The following LRRC8D variants were observed in gnomAD, a reference collection of about 807,000 sequenced individuals.
LRRC8D encodes leucine rich repeat containing 8 VRAC subunit D.
LRRC8D carries 20 observed loss-of-function variants against 55.8 expected under a neutral mutation model. That is an observed-to-expected ratio of 0.36 (90% CI 0.25 to 0.52). The LOEUF (loss-of-function observed/expected upper bound fraction) is 0.52, where lower values mean the gene tolerates loss of function less well. Among genes scored for constraint, LRRC8D ranks in the 20% least tolerant of loss-of-function variants. The probability of loss-of-function intolerance (pLI) is 0.93; values close to 1 mark genes in which losing one functional copy is unlikely to be tolerated. For synonymous variants in LRRC8D, 352 were observed against 377.0 expected (o/e 0.93, Z 0.77); for missense variants, 651 against 1,030.8 (o/e 0.63, Z 5.05).
chr1:89,931,236 C>A, intron 2 of LRRC8D, among the ~76,000 whole-genome samples: 2 of 129,474 alleles, frequency 1.5e-5, no homozygotes, highest in African/African-American at 3.0e-5. Flanking sequence ...CTGTGCAGTA[C>A]TAGGTATGTG....
chr1:89,872,012 G>A (rs573932637), intron 2 of LRRC8D, among the ~76,000 whole-genome samples: 1 of 152,160 alleles, frequency 6.6e-6, no homozygotes, highest in Non-Finnish European at 1.5e-5. Context: ...GTATTGTTCA[G>A]TTCCTTGGAT....
chr1:89,892,734 A>G (rs987163772), intron 2 of LRRC8D, among the ~76,000 whole-genome samples: 5 of 152,066 alleles, frequency 3.3e-5, no homozygotes, highest in African/African-American at 9.7e-5. Context: ...GTTAGCCAGG[A>G]TGGTCTCGAT....
At chr1:89,904,663 G>A (rs1170826214) in intron 2 of LRRC8D, among the ~76,000 whole-genome samples, 1 of 152,178 alleles carries the variant, frequency 6.6e-6, no homozygotes, top group Non-Finnish European at 1.5e-5. Flanking sequence ...GCTGCAGGGA[G>A]GGATGTAAAC....
At chr1:89,927,240 A>G (rs1279264198) in intron 2 of LRRC8D, among the ~76,000 whole-genome samples, 3 of 152,290 alleles carry the variant, frequency 2.0e-5, no homozygotes, top group East Asian at 1.9e-4. Context: ...CGCAGCCTCA[A>G]TGTCATGTCA....
intron 2 of LRRC8D, among the ~76,000 whole-genome samples, chr1:89,889,375 G>C (rs1008106293): frequency 4.6e-5 from 7 of 152,046 alleles, no homozygotes; most frequent in Non-Finnish European, 7.4e-5. Flanking sequence ...ATGGTATCCT[G>C]GATGGGATCC....
chr1:89,862,456 A>G (rs534249817), intron 2 of LRRC8D, among the ~76,000 whole-genome samples: 44 of 152,272 alleles, frequency 2.9e-4, no homozygotes, highest in African/African-American at 9.6e-4. Context: ...TGATGTTATG[A>G]AATTTTTGGT....
At chr1:89,855,506 G>T (rs1293843335) in intron 2 of LRRC8D, among the ~76,000 whole-genome samples, 3 of 152,172 alleles carry the variant, frequency 2.0e-5, no homozygotes, top group East Asian at 3.8e-4. Context: ...TGCTCATGCC[G>T]ATTTGAGAGA....
At chr1:89,840,599 T>A (rs1661110405) in intron 1 of LRRC8D, among the ~76,000 whole-genome samples, 1 of 152,186 alleles carries the variant, frequency 6.6e-6, no homozygotes, top group Non-Finnish European at 1.5e-5. Context: ...TCCCACCAAA[T>A]GCTCTTCTGT....
intron 2 of LRRC8D, among the ~76,000 whole-genome samples, chr1:89,916,685 TTC>T (rs1663276960): frequency 6.6e-6 from 1 of 152,180 alleles, no homozygotes; most frequent in African/African-American, 2.4e-5. Flanking sequence ...TGCTTTTCTG[TTC>T]TCTCTTTTCT....
chr1:89,869,361 C>T (rs1451172189), intron 2 of LRRC8D, among the ~76,000 whole-genome samples: 2 of 152,020 alleles, frequency 1.3e-5, no homozygotes, highest in Non-Finnish European at 2.9e-5. Flanking sequence ...ATAGCTGAAT[C>T]GATCAGGATC....
At chr1:89,893,241 G>C (rs963040084) in intron 2 of LRRC8D, among the ~76,000 whole-genome samples, 1 of 152,198 alleles carries the variant, frequency 6.6e-6, no homozygotes, top group African/African-American at 2.4e-5. Flanking sequence ...GAGAAGATCT[G>C]GGGAATGAAC....
At chr1:89,920,853 G>C (rs990341949) in intron 2 of LRRC8D, among the ~76,000 whole-genome samples, 2 of 152,138 alleles carry the variant, frequency 1.3e-5, no homozygotes, top group African/African-American at 4.8e-5. Flanking sequence ...CGTGTCTGTT[G>C]AGTGTTAGGG....
At chr1:89,904,711 G>A (rs539191902) in intron 2 of LRRC8D, among the ~76,000 whole-genome samples, 18 of 152,288 alleles carry the variant, frequency 1.2e-4, no homozygotes, top group Admixed American at 8.5e-4. Context: ...TAGAAAACAC[G>A]TCAGTTTTAT....
At chr1:89,834,510 G>A (rs1033716288) in intron 1 of LRRC8D, among the ~76,000 whole-genome samples, 1 of 152,232 alleles carries the variant, frequency 6.6e-6, no homozygotes, top group Non-Finnish European at 1.5e-5. Context: ...CTAGCAGGGA[G>A]AGCTAAACTT....
At chr1:89,905,553 G>A (rs1029634164) in intron 2 of LRRC8D, among the ~76,000 whole-genome samples, 2 of 152,212 alleles carry the variant, frequency 1.3e-5, no homozygotes, top group African/African-American at 4.8e-5. Context: ...ACACCAGTTA[G>A]AAAGATAAAG....
intron 2 of LRRC8D, among the ~76,000 whole-genome samples, chr1:89,890,017 C>T (rs1415045746): frequency 1.3e-5 from 2 of 151,986 alleles, no homozygotes; most frequent in Non-Finnish European, 2.9e-5. Context: ...GAAACTCCAT[C>T]TCTAATAAAA....
intron 2 of LRRC8D, among the ~76,000 whole-genome samples, chr1:89,860,980 T>A (rs1039442878): frequency 6.6e-6 from 1 of 151,790 alleles, no homozygotes; most frequent in African/African-American, 2.4e-5. Flanking sequence ...CAGGGAGACA[T>A]ACTTTAGGTT....
At chr1:89,822,286 A>G (rs1660654547) in intron 1 of LRRC8D, 1 of 152,774 alleles carries the variant, frequency 6.5e-6, no homozygotes, top group Non-Finnish European at 1.5e-5. Flanking sequence ...TGTGGGAAGG[A>G]AACAGCCGAG....
intron 2 of LRRC8D, among the ~76,000 whole-genome samples, chr1:89,853,846 G>T (rs1402300563): frequency 3.9e-5 from 6 of 152,186 alleles, no homozygotes; most frequent in Admixed American, 3.9e-4. Flanking sequence ...GCATCAAATG[G>T]AGAGACAGCG....
Sources: allele counts gnomAD v4.1 joint callset (sites outside exome capture counted in the v4.1 genomes callset), GRCh38; gene constraint gnomAD v4.1.1; transcripts MANE v1.5; gene names NCBI Gene and HGNC (gene_info 2026-07-23, HGNC 2026-07-21).